Variants in GPM6A observed in about 807,000 individuals in gnomAD.
GPM6A encodes neuronal membrane glycoprotein M6-a.
Under a neutral mutation model 32.1 loss-of-function variants are expected in GPM6A, and 7 were observed. That is an observed-to-expected ratio of 0.22 (90% CI 0.12 to 0.41). GPM6A has a LOEUF of 0.41. GPM6A is among the 10% of genes least tolerant of loss of function. The pLI is 1.00. For synonymous variants in GPM6A, 130 were observed against 123.4 expected, an observed-to-expected ratio of 1.05 and a Z score of -0.35; for missense variants, 235 against 347.2, an observed-to-expected ratio of 0.68 and a Z score of 2.57.
intron 1 of GPM6A, among the ~76,000 whole-genome samples, chr4:175,888,627 A>C (rs1377561821): frequency 6.6e-6 from 1 of 152,132 alleles, no homozygotes; most frequent in Non-Finnish European, 1.5e-5. Context: ...CTTTGATCTA[A>C]GTCTAAAACA....
At chr4:175,987,991 G>A (rs1741030021) in intron 1 of GPM6A, among the ~76,000 whole-genome samples, 1 of 151,824 alleles carries the variant, frequency 6.6e-6, no homozygotes, top group Non-Finnish European at 1.5e-5. Context: ...GTTGTGAAAA[G>A]AGAAAAAATC....
At chr4:175,696,758 GT>G (rs953336749) in intron 2 of GPM6A, among the ~76,000 whole-genome samples, 1 of 152,108 alleles carries the variant, frequency 6.6e-6, no homozygotes, top group African/African-American at 2.4e-5. Flanking sequence ...ATGAAACTTT[GT>G]TTTTTCTTGC....
intron 1 of GPM6A, among the ~76,000 whole-genome samples, chr4:175,741,866 GTCT>G (rs1731901531): frequency 6.6e-6 from 1 of 152,040 alleles, no homozygotes; most frequent in Non-Finnish European, 1.5e-5. Context: ...AGAGCAAAAT[GTCT>G]TCTTTTTTCC....
intron 1 of GPM6A, among the ~76,000 whole-genome samples, chr4:175,809,095 G>A (rs1164958833): frequency 6.6e-6 from 1 of 152,208 alleles, no homozygotes; most frequent in Non-Finnish European, 1.5e-5. Flanking sequence ...CCACCCGAAT[G>A]TGTATTCACC....
In GPM6A at chr4:175,639,787, GA is replaced by G. The variant is rs565409793; in HGVS notation, c.684+341del. On this transcript the variant is annotated intron_variant, in intron 6 of 6. Transcript: ENST00000393658. ...TGGCTTTTTAATGTTCTTAGCTAAGGAAAAAAAAGTAAATCAAGGAATTGAT... is the reference window on the plus strand; with the variant it reads ...TGGCTTTTTAATGTTCTTAGCTAAGGAAAAAAAGTAAATCAAGGAATTGAT... Among the ~76,000 whole-genome samples the G allele has an allele frequency of 1.4e-4, 21 of 150,770 alleles. No homozygotes were observed. The South Asian group carries it at 3.8e-3, about 27-fold the overall frequency.
chr4:175,674,997 T>C (rs1040014459), intron 2 of GPM6A, among the ~76,000 whole-genome samples: 14 of 151,834 alleles, frequency 9.2e-5, no homozygotes, highest in Non-Finnish European at 2.9e-5. Context: ...TAATAACAGA[T>C]GGATATATGG....
intron 1 of GPM6A, among the ~76,000 whole-genome samples, chr4:175,788,915 TAAAG>T (rs1000104066): frequency 2.6e-5 from 4 of 152,052 alleles, no homozygotes; most frequent in African/African-American, 9.7e-5. Context: ...GGAATTATGA[TAAAG>T]AAAGAAAATG....
At chr4:175,931,820 TATGCCTATAATCCC>T (rs1355878667) in intron 1 of GPM6A, among the ~76,000 whole-genome samples, 4 of 151,990 alleles carry the variant, frequency 2.6e-5, no homozygotes, top group Middle Eastern at 3.2e-3. Context: ...CATGGTGGCT[TATGCCTATAATCCC>T]AGCATTTTGG....
rs149459376 is a variant in GPM6A at position 175,968,166 on chromosome 4, G to GAA, written c.-23+34141_-23+34142dup. On this transcript the variant is annotated intron_variant, in intron 1 of 7. Coordinates refer to the GPM6A transcript ENST00000280187. ...GGCAAAGGAGCAAAAGCAACTCAAT[G>GAA]AAAAAAAAAACAGCCTTTTAAACCA... Among the ~76,000 whole-genome samples the GAA allele has an allele frequency of 2.7e-3, 399 of 146,952 alleles. 1 individual carries two copies. Among genetic ancestry groups the GAA allele is most frequent in the African/African-American group, 8.2e-3 (328 of 40,178 alleles).
intron 1 of GPM6A, among the ~76,000 whole-genome samples, chr4:175,851,352 G>A (rs181137063): frequency 1.3e-5 from 2 of 152,234 alleles, no homozygotes; most frequent in East Asian, 3.9e-4. Context: ...GAGCATGGTG[G>A]TGGACGCCAG....
chr4:175,987,803 G>C (rs1037604550), intron 1 of GPM6A, among the ~76,000 whole-genome samples: 4 of 151,990 alleles, frequency 2.6e-5, no homozygotes, highest in African/African-American at 9.7e-5. Context: ...AGAATGTTTT[G>C]TTTCAGGTTG....
intron 1 of GPM6A, among the ~76,000 whole-genome samples, chr4:175,981,266 A>C (rs1268087050): frequency 6.6e-6 from 1 of 152,174 alleles, no homozygotes; most frequent in Non-Finnish European, 1.5e-5. Context: ...TTTTAAAGGG[A>C]TATAACTTGT....
At chr4:175,699,156 G>A (rs1744735543) in intron 2 of GPM6A, among the ~76,000 whole-genome samples, 1 of 152,060 alleles carries the variant, frequency 6.6e-6, no homozygotes, top group South Asian at 2.1e-4. Context: ...TCCAGGGTAG[G>A]CTGAGATAAA....
chr4:175,821,428 T>C (rs541822610), intron 1 of GPM6A, among the ~76,000 whole-genome samples: 2 of 152,256 alleles, frequency 1.3e-5, no homozygotes, highest in Non-Finnish European at 2.9e-5. Context: ...TACAGTGCCT[T>C]AGTTAATCTT....
At chr4:175,637,727 T>C (rs1472047719) in intron 6 of GPM6A, among the ~76,000 whole-genome samples, 1 of 8,702 alleles carries the variant, frequency 1.1e-4, no homozygotes, top group Non-Finnish European at 2.8e-4. Flanking sequence ...ATATATAATA[T>C]ATTATATATT....
intron 1 of GPM6A, among the ~76,000 whole-genome samples, chr4:175,796,470 G>A (rs1472217246): frequency 6.6e-6 from 1 of 152,094 alleles, no homozygotes; most frequent in Non-Finnish European, 1.5e-5. Context: ...AGAAAATTAA[G>A]TCTCTTGATC....
intron 5 of GPM6A, 55 bp from the exon 6 acceptor site, chr4:175,640,249 A>T (rs1741062663): frequency 7.3e-7 from 1 of 1,364,252 alleles, no homozygotes. Flanking sequence ...GTAGAAGAGA[A>T]GTCAAGATTG....
chr4:175,969,174 A>C (rs1422760383), intron 1 of GPM6A, among the ~76,000 whole-genome samples: 1 of 152,258 alleles, frequency 6.6e-6, no homozygotes, highest in East Asian at 1.9e-4. Context: ...TATGTACTAT[A>C]TGACTGCAAC....
intron 1 of GPM6A, among the ~76,000 whole-genome samples, chr4:175,889,184 CT>C (rs2111471893): frequency 6.6e-6 from 1 of 152,168 alleles, no homozygotes; most frequent in Non-Finnish European, 1.5e-5. Context: ...AACTTTATAA[CT>C]TTTAGAACAA....
Sources: gnomAD v4.1 joint callset for allele counts (sites outside exome capture counted in the v4.1 genomes callset) on GRCh38, gnomAD v4.1.1 for gene constraint, MANE v1.5 for transcripts, NCBI Gene and HGNC (gene_info 2026-07-23, HGNC 2026-07-21) for gene names.